The following SOAT1 variants were observed in gnomAD, a reference collection of about 807,000 sequenced individuals.
SOAT1 encodes acyl-coenzyme A:cholesterol acyltransferase 1.
Under a neutral mutation model 69.5 loss-of-function variants are expected in SOAT1, and 55 were observed. The observed-to-expected ratio is 0.79, with a 90% CI of 0.64 to 0.99. SOAT1 has a LOEUF of 0.99. Ranked by LOEUF, SOAT1 falls within the 50% of genes least tolerant of loss-of-function variation. SOAT1 has a pLI of 0.00. For synonymous variants in SOAT1, 231 were observed against 224.7 expected, an observed-to-expected ratio of 1.03 and a Z score of -0.25; for missense variants, 580 against 669.3, an observed-to-expected ratio of 0.87 and a Z score of 1.47.
intron 5 of SOAT1, among the ~76,000 whole-genome samples, chr1:179,339,112 A>G (rs948160999): frequency 4.6e-5 from 7 of 152,194 alleles, no homozygotes; most frequent in African/African-American, 1.7e-4. Context: ...AACATTATAG[A>G]AACTCATGTC....
chr1:179,297,512 T>C lies in SOAT1; in HGVS notation c.-9+3576T>C, dbSNP rs1452299222. On this transcript the variant is annotated intron_variant, in intron 1 of 15. Coordinates refer to ENST00000367619, the MANE Select transcript of SOAT1 (RefSeq NM_003101.6). ...CATCACCCCTGGCTAATTTTTTGTA[T>C]TTTTAGTAGAGACGGGGTTTCATCA... 1.4e-4 allele frequency among the ~76,000 whole-genome samples: 21 copies of C among 151,966 alleles called. 1 individual carries two copies. Among genetic ancestry groups the C allele is most frequent in the Admixed American group, 1.4e-3 (21 of 15,264 alleles).
chr1:179,321,379 A>G (rs180851884), intron 2 of SOAT1, among the ~76,000 whole-genome samples: 1 of 152,068 alleles, frequency 6.6e-6, no homozygotes. Flanking sequence ...TACATTGCCC[A>G]TGATGGTTTC....
chr1:179,328,514 G>A (rs1332846055), intron 3 of SOAT1, among the ~76,000 whole-genome samples: 1 of 152,054 alleles, frequency 6.6e-6, no homozygotes, highest in East Asian at 1.9e-4. Context: ...TTGAATTTTG[G>A]CCGGAAGGAC....
At chr1:179,307,483 T>C (rs1262274151) in intron 2 of SOAT1, among the ~76,000 whole-genome samples, 1 of 152,088 alleles carries the variant, frequency 6.6e-6, no homozygotes, top group African/African-American at 2.4e-5. Context: ...GTGGCTTGCA[T>C]CTATAGTCTG....
rs141816822 is a variant in SOAT1, at chr1:179,347,666, T to C, written c.1184T>C (p.Met395Thr). ...TGCTGGCTCAATGCCTTTGCTGAGA[T>C]GTTACGCTTTGGTGACAGGATGTTC... The part of the protein sequence containing the change: ...LHCWLNAFAE[M>T]LRFGDRMFYK... Residue 395 changes from methionine (M) to threonine (T), a missense_variant, in exon 12 of 16, where the codon ATG (methionine) becomes ACG (threonine). Met to Thr is a moderately conservative substitution (Grantham distance 81). Transcript: ENST00000367619. 2.7e-5 allele frequency: 44 copies of C among 1,613,138 alleles called. No individual in the cohort carries two copies. In the African/African-American group the frequency reaches 5.6e-4, roughly 21 times the overall value.
At chr1:179,302,224 C>G (rs1343302959) in intron 1 of SOAT1, among the ~76,000 whole-genome samples, 1 of 152,168 alleles carries the variant, frequency 6.6e-6, no homozygotes, top group East Asian at 1.9e-4. Context: ...AATGTATCAT[C>G]ACATTTCACC....
chr1:179,303,714 A>C (rs1287607421), intron 2 of SOAT1, among the ~76,000 whole-genome samples: 1 of 152,190 alleles, frequency 6.6e-6, no homozygotes, highest in Non-Finnish European at 1.5e-5. Context: ...TATATATGAC[A>C]TATTTATATG....
Sources: allele counts gnomAD v4.1 joint callset (sites outside exome capture counted in the v4.1 genomes callset), GRCh38; gene constraint gnomAD v4.1.1; transcripts MANE v1.5; gene names NCBI Gene and HGNC (gene_info 2026-07-23, HGNC 2026-07-21).